COMMD10: variants seen among roughly 807,000 people sequenced by gnomAD.
COMMD10 encodes COMM domain-containing protein 10.
COMMD10 carries 33 observed loss-of-function variants against 28.9 expected under a neutral mutation model. The observed-to-expected ratio is 1.14, with a 90% CI of 0.87 to 1.53. The LOEUF (loss-of-function observed/expected upper bound fraction) is 1.53, where lower values mean the gene tolerates loss of function less well. Among genes scored for constraint, COMMD10 ranks in the 40% most tolerant of loss-of-function variants. The pLI, the probability that COMMD10 is intolerant of heterozygous loss-of-function variation, is 0.00. For missense variants in COMMD10, 310 were observed against 233.4 expected, an observed-to-expected ratio of 1.33 and a Z score of -2.14; for synonymous variants, 110 against 81.7, an observed-to-expected ratio of 1.35 and a Z score of -1.87.
At chr5:116,268,143 A>G (rs1750646195) in intron 5 of COMMD10, among the ~76,000 whole-genome samples, 1 of 151,966 alleles carries the variant, frequency 6.6e-6, no homozygotes. Flanking sequence ...AAAAGAAACT[A>G]CCATTAGAAT....
intron 5 of COMMD10, among the ~76,000 whole-genome samples, chr5:116,171,825 T>C (rs1217287900): frequency 7.7e-6 from 1 of 129,224 alleles, no homozygotes; most frequent in African/African-American, 4.2e-5. Flanking sequence ...CTGGGGCCTG[T>C]CACGGGTGTG....
chr5:116,266,494 T>C (rs1750587527), intron 5 of COMMD10, among the ~76,000 whole-genome samples: 1 of 151,852 alleles, frequency 6.6e-6, no homozygotes, highest in Non-Finnish European at 1.5e-5. Flanking sequence ...CTTAACATTA[T>C]CTGTAAGCTG....
At chr5:116,286,198 T>A (rs1381390838) in intron 5 of COMMD10, among the ~76,000 whole-genome samples, 1 of 151,702 alleles carries the variant, frequency 6.6e-6, no homozygotes, top group African/African-American at 2.4e-5. Context: ...ATGGCATCTG[T>A]TATAATGTCC....
chr5:116,152,207 C>T lies in COMMD10; in HGVS notation c.510+18029C>T, dbSNP rs184783253. 9.8e-3 allele frequency among the ~76,000 whole-genome samples: 1,494 copies of T among 152,264 alleles called. 27 individuals are homozygous for T. The highest frequency in any genetic ancestry group is 0.033 in the African/African-American group (1,387 of 41,548). ...AATCCTGAGTTCTAGTTTGATTGCA[C>T]TGTGGTCTGAGAGACAGTTTGTTAT... On this transcript the variant is annotated intron_variant, in intron 5 of 6. Coordinates refer to ENST00000274458, the MANE Select transcript of COMMD10 (RefSeq NM_016144.4).
At chr5:116,242,440 T>G (rs1384000336) in intron 5 of COMMD10, among the ~76,000 whole-genome samples, 1 of 152,210 alleles carries the variant, frequency 6.6e-6, no homozygotes, top group Non-Finnish European at 1.5e-5. Context: ...AACAGTTATC[T>G]TAGGAAATCC....
chr5:116,226,447 A>G (rs1386113417), intron 5 of COMMD10, among the ~76,000 whole-genome samples: 1 of 138,740 alleles, frequency 7.2e-6, no homozygotes, highest in African/African-American at 2.6e-5. Flanking sequence ...ACAGCAAATT[A>G]TATTTCAGCT....
intron 5 of COMMD10, among the ~76,000 whole-genome samples, chr5:116,238,400 A>G (rs1161999961): frequency 6.6e-6 from 1 of 152,208 alleles, no homozygotes; most frequent in Non-Finnish European, 1.5e-5. Flanking sequence ...TGATTTTATT[A>G]TATGTCATCC....
chr5:116,288,790 A>G (rs1489577142), intron 5 of COMMD10, among the ~76,000 whole-genome samples: 3 of 127,990 alleles, frequency 2.3e-5, no homozygotes, highest in Non-Finnish European at 5.3e-5. Context: ...GTTCTTTTTT[A>G]TAGTTTCTGT....
intron 5 of COMMD10, among the ~76,000 whole-genome samples, chr5:116,162,178 TACA>T: frequency 6.6e-6 from 1 of 152,344 alleles, no homozygotes; most frequent in East Asian, 1.9e-4. Flanking sequence ...AATAGATAAG[TACA>T]ATAATTTATA....
intron 5 of COMMD10, chr5:116,255,791 C>A (rs1047116806): frequency 1.3e-5 from 2 of 150,892 alleles, no homozygotes; most frequent in Admixed American, 6.6e-5. Context: ...TGAGTGCTTA[C>A]TTTTTCGGGT....
At chr5:116,142,746 T>G (rs1752233300) in intron 5 of COMMD10, among the ~76,000 whole-genome samples, 2 of 151,760 alleles carry the variant, frequency 1.3e-5, no homozygotes, top group African/African-American at 4.8e-5. Context: ...GTGCACAAAT[T>G]AAACAAGCTT....
chr5:116,212,265 C>A (rs1748985123), intron 5 of COMMD10, among the ~76,000 whole-genome samples: 1 of 152,038 alleles, frequency 6.6e-6, no homozygotes, highest in Non-Finnish European at 1.5e-5. Context: ...ATTTGATAAG[C>A]CAGGAACTGT....
chr5:116,160,940 A>G (rs1219246412), intron 5 of COMMD10, among the ~76,000 whole-genome samples: 3 of 152,116 alleles, frequency 2.0e-5, no homozygotes, highest in Non-Finnish European at 4.4e-5. Flanking sequence ...TTTTTTCCCC[A>G]GAAGGCTTTT....
At chr5:116,267,313 C>T (rs1050345580) in intron 5 of COMMD10, among the ~76,000 whole-genome samples, 1 of 151,852 alleles carries the variant, frequency 6.6e-6, no homozygotes, top group Non-Finnish European at 1.5e-5. Flanking sequence ...AACAGACAAA[C>T]AGAGAGTGAA....
At position 116,145,147 on chromosome 5, in the gene COMMD10, C is replaced by T. The variant is rs989270899; in HGVS notation, c.510+10969C>T. ...CTGTCATGAGGTTGGGAGAATGGGG[C>T]GGTTCTAGTAGGTTTGAGAACAGAG... On this transcript the variant is annotated intron_variant, in intron 5 of 6. Transcript: ENST00000274458. Among the ~76,000 whole-genome samples the T allele has an allele frequency of 3.3e-5, 5 of 151,792 alleles. No individual in the cohort carries two copies. The South Asian group carries it at 6.2e-4, about 19-fold the overall frequency.
intron 5 of COMMD10, among the ~76,000 whole-genome samples, chr5:116,184,897 CCTTCA>C (rs1201671558): frequency 6.6e-6 from 1 of 152,034 alleles, no homozygotes; most frequent in Non-Finnish European, 1.5e-5. Flanking sequence ...AATCCTGACC[CCTTCA>C]CTTATTAACT....
chr5:116,256,389 G>C (rs1343312899), intron 5 of COMMD10, among the ~76,000 whole-genome samples: 1 of 151,670 alleles, frequency 6.6e-6, no homozygotes, highest in African/African-American at 2.4e-5. Flanking sequence ...GTATAATTTA[G>C]ATGTTAGTTT....
chr5:116,178,048 G>C lies in COMMD10; in HGVS notation c.510+43870G>C, dbSNP rs539075170. On this transcript the variant is annotated intron_variant, in intron 5 of 6. Coordinates refer to ENST00000274458, the MANE Select transcript of COMMD10 (RefSeq NM_016144.4). ...CACACTATACTTGAGAGTTATTTGG[G>C]CTCTTTTGTGTTTTCTGCCTGTAAA... Among the ~76,000 whole-genome samples, 6 of 152,112 alleles carry C rather than the reference G, an allele frequency of 3.9e-5. No homozygotes were observed. The South Asian group carries it at 1.2e-3, about 32-fold the overall frequency.
intron 4 of COMMD10, among the ~76,000 whole-genome samples, chr5:116,122,863 TAAG>T (rs1751489718): frequency 6.6e-6 from 1 of 152,190 alleles, no homozygotes; most frequent in South Asian, 2.1e-4. Flanking sequence ...CTTATCAGCT[TAAG>T]GAGATTTTGG....
Sources: allele counts gnomAD v4.1 joint callset (sites outside exome capture counted in the v4.1 genomes callset), GRCh38; gene constraint gnomAD v4.1.1; transcripts MANE v1.5; gene names NCBI Gene and HGNC (gene_info 2026-07-23, HGNC 2026-07-21).